The following SASH1 variants were observed in gnomAD, a reference collection of about 807,000 sequenced individuals.
SASH1 encodes SAM and SH3 domain-containing protein 1.
Under a neutral mutation model 125.2 loss-of-function variants are expected in SASH1, and 44 were observed. The ratio of observed to expected loss-of-function variants is 0.35; its 90% CI spans 0.28 to 0.45. SASH1 has a LOEUF of 0.45. Among genes scored for constraint, SASH1 ranks in the 20% least tolerant of loss-of-function variants. The pLI is 1.00. For missense variants in SASH1, 1,426 were observed against 1,614.5 expected (o/e 0.88, Z 2.00); for synonymous variants, 639 against 649.1 (o/e 0.98, Z 0.24).
At chr6:148,361,401 C>T (rs1372682716) in intron 1 of SASH1, among the ~76,000 whole-genome samples, 1 of 152,108 alleles carries the variant, frequency 6.6e-6, no homozygotes, top group Non-Finnish European at 1.5e-5. Context: ...AGTTTGAGAC[C>T]AGCCCAGCCT....
At chr6:148,432,700 G>A (rs1484277236) in intron 2 of SASH1, among the ~76,000 whole-genome samples, 2 of 152,224 alleles carry the variant, frequency 1.3e-5, no homozygotes, top group African/African-American at 2.4e-5. Context: ...TGCTTTTCCA[G>A]CTGTGAAGTT....
intron 17 of SASH1, among the ~76,000 whole-genome samples, chr6:148,542,879 T>TGTGTGTGTGC (rs1491203431): frequency 3.6e-5 from 5 of 138,910 alleles, no homozygotes; most frequent in African/African-American, 1.3e-4. Context: ...TGTGTGTGTG[T>TGTGTGTGTGC]GCGCGCGCAC....
intron 1 of SASH1, among the ~76,000 whole-genome samples, chr6:148,362,223 G>T (rs1319154187): frequency 6.8e-6 from 1 of 148,004 alleles, no homozygotes; most frequent in Non-Finnish European, 1.5e-5. Context: ...CACCGTGCCT[G>T]GCCTCTTTTT....
chr6:148,421,187 A>G (rs1180521105), intron 2 of SASH1, among the ~76,000 whole-genome samples: 3 of 147,648 alleles, frequency 2.0e-5, no homozygotes, highest in African/African-American at 7.4e-5. Context: ...GAAAGAAAGA[A>G]AGAAAGAAAG....
chr6:148,232,906 T>A, the SASH1 span, among the ~76,000 whole-genome samples: 20 of 152,118 alleles, frequency 1.3e-4, no homozygotes, highest in Non-Finnish European at 2.6e-4. Flanking sequence ...TAACAAAGAT[T>A]GTATGCAGTT....
chr6:148,367,458 G>A (rs371884193), intron 1 of SASH1, among the ~76,000 whole-genome samples: 3 of 152,186 alleles, frequency 2.0e-5, no homozygotes, highest in East Asian at 1.9e-4. Flanking sequence ...GCCCTGCGCA[G>A]GTCTGCAGGG....
At chr6:148,328,380 G>A (rs1780898040) in intron 1 of SASH1, among the ~76,000 whole-genome samples, 1 of 152,134 alleles carries the variant, frequency 6.6e-6, no homozygotes, top group Non-Finnish European at 1.5e-5. Flanking sequence ...AGATCACAAG[G>A]TCAGGAGTTC....
intron 1 of SASH1, among the ~76,000 whole-genome samples, chr6:148,336,176 CTTTTTTTTTTTTT>C (rs61290611): frequency 5.7e-5 from 4 of 70,726 alleles, no homozygotes; most frequent in Admixed American, 3.8e-4. Context: ...AAACTGCATC[CTTTTTTTTTTTTT>C]TTTTTTTTTT....
chr6:148,488,127 T>C (rs374265512), intron 8 of SASH1, among the ~76,000 whole-genome samples: 19 of 152,208 alleles, frequency 1.2e-4, no homozygotes, highest in East Asian at 1.2e-3. Context: ...TAACTCTCCC[T>C]ACGCCCCCGC....
the SASH1 span, among the ~76,000 whole-genome samples, chr6:148,225,160 G>A: frequency 2.0e-5 from 3 of 152,154 alleles, no homozygotes; most frequent in Admixed American, 6.6e-5. Flanking sequence ...TATTGTTAAC[G>A]CAACTCCATC....
intron 1 of SASH1, among the ~76,000 whole-genome samples, chr6:148,315,551 T>C (rs1458266552): frequency 6.6e-6 from 1 of 152,182 alleles, no homozygotes; most frequent in Non-Finnish European, 1.5e-5. Context: ...AAATTCAAAC[T>C]TTCTTAAATT....
At chr6:148,362,660 G>T (rs1301031373) in intron 1 of SASH1, among the ~76,000 whole-genome samples, 1 of 151,838 alleles carries the variant, frequency 6.6e-6, no homozygotes, top group Non-Finnish European at 1.5e-5. Context: ...TTGAGCCTGG[G>T]TAACATAGTG....
chr6:148,224,259 G>T, the SASH1 span, among the ~76,000 whole-genome samples: 1 of 152,078 alleles, frequency 6.6e-6, no homozygotes, highest in East Asian at 1.9e-4. Flanking sequence ...TCATGCAACT[G>T]CTCACTCCAG....
chr6:148,537,328 C>CT (rs546690380), intron 16 of SASH1, among the ~76,000 whole-genome samples: 24 of 152,330 alleles, frequency 1.6e-4, no homozygotes, highest in African/African-American at 5.8e-4. Flanking sequence ...GGAAAAGACT[C>CT]TAATTGTCAG....
chr6:148,440,114 A>G lies in SASH1; in HGVS notation c.286-70A>G, dbSNP rs373941229. ...CCCGAATCCTCCCCTCTCTTCTTACATGTCTATTTGTCTTTCTCGCGTGTG... is the reference window on the plus strand; with the variant it reads ...CCCGAATCCTCCCCTCTCTTCTTACGTGTCTATTTGTCTTTCTCGCGTGTG... On this transcript the variant is annotated intron_variant, in intron 2 of 19. Transcript: ENST00000367467. 8,332 of 1,432,320 alleles carry G rather than the reference A, an allele frequency of 5.8e-3. 34 individuals are homozygous for G. Among genetic ancestry groups the G allele is most frequent in the Non-Finnish European group, 7.3e-3 (7,382 of 1,014,580 alleles). The allele number at this position is 1,432,320 out of a possible 1,614,324, so 88.7% of individuals were successfully genotyped here.
chr6:148,424,785 A>T lies in SASH1; in HGVS notation c.286-15399A>T, dbSNP rs112504886. ...TACCCCTTCACCTGCAGGCCACTGA[A>T]TCTGACTAGAAGCAGCTCTGAGCAG... On this transcript the variant is annotated intron_variant, in intron 2 of 19. Coordinates refer to ENST00000367467, the MANE Select transcript of SASH1 (RefSeq NM_015278.5). Among the ~76,000 whole-genome samples the T allele has an allele frequency of 3.9e-3, 592 of 152,312 alleles. 6 individuals are homozygous for T. Among genetic ancestry groups the T allele is most frequent in the African/African-American group, 0.013 (520 of 41,584 alleles).
intron 9 of SASH1, among the ~76,000 whole-genome samples, chr6:148,517,935 G>A (rs1358836146): frequency 3.3e-5 from 5 of 152,146 alleles, no homozygotes; most frequent in Non-Finnish European, 7.3e-5. Flanking sequence ...TGGACACCTG[G>A]GCGGATGGTG....
Position 148,532,748 on chromosome 6 carries a change from G to T in SASH1, c.1565-49G>T, listed in dbSNP as rs746810273. 2 of 1,602,490 alleles carry T rather than the reference G, an allele frequency of 1.2e-6. No homozygotes were observed. The highest frequency in any genetic ancestry group is 1.7e-6 in the Non-Finnish European group (2 of 1,172,016). On this transcript the variant is annotated intron_variant, in intron 13 of 19. Coordinates refer to ENST00000367467, the MANE Select transcript of SASH1 (RefSeq NM_015278.5). This position sits in a 1 kb window ranked among gnomAD's most constrained non-coding sequence, Gnocchi z 4.7. ...ACCTTCAATACCTTTCTGCTTTGCT[G>T]GGTGGGAAATCTGGATCTACCCGTG...
chr6:148,321,126 C>T (rs1334945809), intron 1 of SASH1, among the ~76,000 whole-genome samples: 2 of 152,164 alleles, frequency 1.3e-5, no homozygotes, highest in African/African-American at 2.4e-5. Context: ...GGCGCGGTGG[C>T]TCACATCTGT....
Sources: allele counts gnomAD v4.1 joint callset (sites outside exome capture counted in the v4.1 genomes callset), GRCh38; gene constraint gnomAD v4.1.1; non-coding constraint Gnocchi (gnomAD v3.1); transcripts MANE v1.5; gene names NCBI Gene and HGNC (gene_info 2026-07-23, HGNC 2026-07-21).